Variants in KCTD1 observed in about 807,000 individuals in gnomAD.
The protein encoded by KCTD1 is BTB/POZ domain-containing protein KCTD1.
A neutral mutation model predicts 66.0 loss-of-function variants in KCTD1; 24 were observed. The observed-to-expected ratio is 0.36, with a 90% CI of 0.26 to 0.51. KCTD1 has a LOEUF of 0.51. KCTD1 is among the 20% of genes least tolerant of loss of function. The probability of loss-of-function intolerance (pLI) is 0.95; values close to 1 mark genes in which losing one functional copy is unlikely to be tolerated. For missense variants in KCTD1, 943 were observed against 1,205.2 expected, an observed-to-expected ratio of 0.78 and a Z score of 3.22; for synonymous variants, 511 against 517.2, an observed-to-expected ratio of 0.99 and a Z score of 0.16.
chr18:26,632,625 G>T (rs185175376), upstream of KCTD1, among the ~76,000 whole-genome samples: 68 of 152,210 alleles, frequency 4.5e-4, 1 homozygote, highest in South Asian at 0.013. Context: ...AGAGTTTGAG[G>T]ATACAGGATA....
chr18:26,491,986 C>G (rs559498929), intron 2 of KCTD1, among the ~76,000 whole-genome samples: 1 of 152,138 alleles, frequency 6.6e-6, no homozygotes, highest in African/African-American at 2.4e-5. Flanking sequence ...GTGGCTGATG[C>G]CTATAACCCT....
chr18:26,608,193 A>T (rs1193375109), intron 1 of KCTD1, among the ~76,000 whole-genome samples: 1 of 152,232 alleles, frequency 6.6e-6, no homozygotes, highest in Non-Finnish European at 1.5e-5. Flanking sequence ...TAATGTTTAA[A>T]ATAATCCTTT....
chr18:26,589,148 G>A (rs892521049), intron 1 of KCTD1, among the ~76,000 whole-genome samples: 8 of 152,228 alleles, frequency 5.3e-5, no homozygotes, highest in Non-Finnish European at 1.5e-5. Context: ...ACCTGTGGCT[G>A]TGGGATAAGA....
chr18:26,649,691 G>T (rs1378752569), intron 1 of KCTD1, among the ~76,000 whole-genome samples: 1 of 152,034 alleles, frequency 6.6e-6, no homozygotes, highest in Non-Finnish European at 1.5e-5. Flanking sequence ...TTGTATTTTC[G>T]TAGAGATGGG....
Position 26,468,826 on chromosome 18 carries a change from G to A in KCTD1, c.2133+7689C>T, listed in dbSNP as rs1160238046. 6.6e-6 allele frequency among the ~76,000 whole-genome samples: 1 copy of A among 152,126 alleles called. No individual in the cohort carries two copies. Among genetic ancestry groups the A allele is most frequent in the Non-Finnish European group, 1.5e-5 (1 of 68,020 alleles). ...CGTGCCGCTGCACTCCAGCCTGGGC[G>A]ACAGAGCAAGACTTTGTCTCAAAGA... is the stretch of plus-strand genomic sequence containing the variant. On this transcript the variant is annotated intron_variant, in intron 3 of 4. Coordinates refer to ENST00000580059, the MANE Select transcript of KCTD1 (RefSeq NM_001142730.3). The surrounding 1 kb of genome is among the most constrained non-coding windows in gnomAD (Gnocchi z 4.8).
rs1198136911 is a variant in KCTD1, at chr18:26,554,400, A to G, written c.-15-53150T>C. 1.3e-5 allele frequency among the ~76,000 whole-genome samples: 2 copies of G among 151,384 alleles called. 1 individual carries two copies. The highest frequency in any genetic ancestry group is 2.9e-5 in the Non-Finnish European group (2 of 67,816). ...TGGACTGTGACACACGTATAAATGG[A>G]CTGAGAAACAGTGTCACCTTTGTCA... On this transcript the variant is annotated intron_variant, in intron 1 of 4. Transcript: ENST00000317932.
intron 1 of KCTD1, among the ~76,000 whole-genome samples, chr18:26,647,722 T>C (rs1426398540): frequency 2.0e-5 from 3 of 152,088 alleles, no homozygotes; most frequent in African/African-American, 7.2e-5. Context: ...GAGACCAATG[T>C]AGTTCATACT....
intron 1 of KCTD1, among the ~76,000 whole-genome samples, chr18:26,656,536 C>A (rs1205716212): frequency 6.6e-6 from 1 of 151,710 alleles, no homozygotes; most frequent in African/African-American, 2.4e-5. Context: ...TGGACCAGCC[C>A]GGCCGGCGAC....
chr18:26,573,288 A>G (rs1260680102), intron 1 of KCTD1, among the ~76,000 whole-genome samples: 3 of 152,096 alleles, frequency 2.0e-5, no homozygotes, highest in African/African-American at 7.2e-5. Flanking sequence ...TGTTTAATGG[A>G]TACAGGGTTT....
At chr18:26,553,887 C>T (rs1431465867) in intron 1 of KCTD1, among the ~76,000 whole-genome samples, 1 of 150,364 alleles carries the variant, frequency 6.7e-6, no homozygotes, top group Non-Finnish European at 1.5e-5. Context: ...CTGACCAGGG[C>T]AGGCAAGTCT....
chr18:26,622,839 G>A (rs1987416410), intron 1 of KCTD1, among the ~76,000 whole-genome samples: 3 of 151,996 alleles, frequency 2.0e-5, no homozygotes, highest in African/African-American at 7.3e-5. Flanking sequence ...GTGTTGAGAG[G>A]ACCAGCGTGA....
intron 2 of KCTD1, among the ~76,000 whole-genome samples, chr18:26,481,824 G>A (rs1433162685): frequency 2.6e-5 from 4 of 152,150 alleles, no homozygotes; most frequent in Admixed American, 6.5e-5. Flanking sequence ...CTATTCTGAT[G>A]TAATTGGTTG....
intron 1 of KCTD1, among the ~76,000 whole-genome samples, chr18:26,628,469 A>G (rs1355765246): frequency 6.6e-6 from 1 of 152,210 alleles, no homozygotes; most frequent in African/African-American, 2.4e-5. Flanking sequence ...TTTGTGAACA[A>G]CTTCATTACA....
chr18:26,603,787 T>TAAATAAATAAATAAAA (rs1464652163), intron 1 of KCTD1, among the ~76,000 whole-genome samples: 1 of 141,112 alleles, frequency 7.1e-6, no homozygotes, highest in African/African-American at 2.5e-5. Flanking sequence ...AATAAATAAA[T>TAAATAAATAAATAAAA]AAAACCCCAC....
Position 26,459,748 on chromosome 18 carries a change from A to G in KCTD1, c.2311T>C (p.Leu771=). ...ATCTCTGGAAATACTTCTTCTATCA[A>G]GGATTTGTCACCGCTTAGCGTGATC... ...ERITLSGDKS[L]IEEVFPEIGD... The change falls in exon 4 of 5, where the codon TTG becomes CTG. Residue 771 remains leucine (L), a synonymous_variant. Transcript: ENST00000580059. The G allele has an allele frequency of 5.6e-6, 9 of 1,614,142 alleles. No individual in the cohort carries two copies. Among genetic ancestry groups the G allele is most frequent in the Non-Finnish European group, 5.9e-6 (7 of 1,180,016 alleles).
chr18:26,475,381 C>G (rs1981288516), intron 3 of KCTD1, among the ~76,000 whole-genome samples: 1 of 152,196 alleles, frequency 6.6e-6, no homozygotes, highest in South Asian at 2.1e-4. Context: ...GGTTTCCCAT[C>G]CAGGAACCTA....
chr18:26,647,301 G>A (rs1987941632), intron 1 of KCTD1, among the ~76,000 whole-genome samples: 1 of 148,916 alleles, frequency 6.7e-6, no homozygotes, highest in African/African-American at 2.5e-5. Context: ...GAGGTCAGGA[G>A]TTCAAGGCCA....
At chr18:26,554,781 T>C (rs1985666416) in intron 1 of KCTD1, among the ~76,000 whole-genome samples, 1 of 152,222 alleles carries the variant, frequency 6.6e-6, no homozygotes, top group African/African-American at 2.4e-5. Context: ...GTAAAACAAA[T>C]AATGTACAAG....
intron 1 of KCTD1, among the ~76,000 whole-genome samples, chr18:26,604,628 A>T (rs1302540646): frequency 7.2e-5 from 11 of 152,228 alleles, no homozygotes; most frequent in African/African-American, 2.2e-4. Context: ...TTAGCAAACT[A>T]ACACAGGAAC....
Sources: gnomAD v4.1 joint callset for allele counts (sites outside exome capture counted in the v4.1 genomes callset) on GRCh38, gnomAD v4.1.1 for gene constraint, Gnocchi (gnomAD v3.1) non-coding constraint, MANE v1.5 for transcripts, NCBI Gene and HGNC (gene_info 2026-07-23, HGNC 2026-07-21) for gene names.